Variants in SH3PXD2A observed in about 807,000 individuals in gnomAD.
SH3PXD2A encodes the protein SH3 and PX domain-containing protein 2A.
In SH3PXD2A, 32 loss-of-function variants were observed where a neutral mutation model predicts 115.2. The observed-to-expected ratio is 0.28, with a 90% CI of 0.21 to 0.37. The LOEUF is 0.37. Ranked by LOEUF, SH3PXD2A falls within the 10% of genes least tolerant of loss-of-function variation. The pLI, the probability that SH3PXD2A is intolerant of heterozygous loss-of-function variation, is 1.00. For missense variants in SH3PXD2A, 1,328 were observed against 1,498.7 expected (o/e 0.89, Z 1.88); for synonymous variants, 610 against 629.1 (o/e 0.97, Z 0.45).
At chr10:103,697,727 T>C (rs2037841658) in intron 5 of SH3PXD2A, among the ~76,000 whole-genome samples, 1 of 152,236 alleles carries the variant, frequency 6.6e-6, no homozygotes, top group Non-Finnish European at 1.5e-5. Context: ...TCTTTTTTCC[T>C]TTCATTTTAT....
chr10:103,725,342 T>C (rs774820889), intron 4 of SH3PXD2A, among the ~76,000 whole-genome samples: 70 of 151,136 alleles, frequency 4.6e-4, no homozygotes, highest in Non-Finnish European at 3.8e-4. Flanking sequence ...AACTGAAGAG[T>C]GTGGAAAGGT....
chr10:103,621,450 C>A (rs1440621085), intron 10 of SH3PXD2A, among the ~76,000 whole-genome samples: 6 of 152,224 alleles, frequency 3.9e-5, no homozygotes, highest in Non-Finnish European at 8.8e-5. Context: ...CAGCCATAGG[C>A]TGTAGCCACC....
At chr10:103,684,822 A>C (rs2037656641) in intron 6 of SH3PXD2A, among the ~76,000 whole-genome samples, 1 of 151,596 alleles carries the variant, frequency 6.6e-6, no homozygotes, top group African/African-American at 2.4e-5. Context: ...TGATCCTAGG[A>C]GTTCAAGACC....
chr10:103,705,911 C>T (rs542639599), intron 5 of SH3PXD2A, among the ~76,000 whole-genome samples: 1 of 151,678 alleles, frequency 6.6e-6, no homozygotes, highest in East Asian at 1.9e-4. Context: ...GCAGGAGAAT[C>T]GCTTGAACCT....
At chr10:103,845,440 C>A in intron 1 of SH3PXD2A, among the ~76,000 whole-genome samples, 1 of 151,988 alleles carries the variant, frequency 6.6e-6, no homozygotes, top group Non-Finnish European at 1.5e-5. Context: ...CGAGAGTGAC[C>A]TCTGGTCATC....
intron 1 of SH3PXD2A, among the ~76,000 whole-genome samples, chr10:103,823,364 G>A (rs2039399751): frequency 6.6e-6 from 1 of 152,174 alleles, no homozygotes; most frequent in African/African-American, 2.4e-5. Flanking sequence ...GGCCAGAGTT[G>A]ACCCTTAACA....
Position 103,596,239 on chromosome 10 carries a change from G to A in SH3PXD2A, c.*5577C>T, listed in dbSNP as rs940785867. On this transcript the variant is annotated 3_prime_UTR_variant, in exon 15 of 15. Transcript: ENST00000369774. ...CTCATACCCATGGCATGGCTGAGGG[G>A]TGGGAGTCAGCCTGCTCGATGACAC... 2 of 152,456 alleles carry A rather than the reference G, an allele frequency of 1.3e-5. No homozygotes were observed. The highest frequency in any genetic ancestry group is 1.9e-4 in the East Asian group (1 of 5,190). 9.4% of individuals were successfully genotyped at this position (152,456 alleles called of 1,614,324 possible).
intron 3 of SH3PXD2A, among the ~76,000 whole-genome samples, chr10:103,749,542 C>T (rs910208783): frequency 6.6e-6 from 1 of 152,168 alleles, no homozygotes; most frequent in Non-Finnish European, 1.5e-5. Flanking sequence ...CCAATTTCTA[C>T]AAATCCTAAC....
At chr10:103,682,207 G>GC (rs1362188399) in intron 6 of SH3PXD2A, among the ~76,000 whole-genome samples, 1 of 152,168 alleles carries the variant, frequency 6.6e-6, no homozygotes, top group African/African-American at 2.4e-5. Flanking sequence ...CCACGCCCCT[G>GC]CCCCCTCCCC....
At chr10:103,733,100 T>C (rs1381364330) in intron 4 of SH3PXD2A, among the ~76,000 whole-genome samples, 3 of 151,884 alleles carry the variant, frequency 2.0e-5, no homozygotes, top group Non-Finnish European at 4.4e-5. Context: ...GCCTGTGAGA[T>C]AGATGGCTGT....
chr10:103,767,148 G>T lies in SH3PXD2A; in HGVS notation c.175C>A (p.Pro59Thr). ...GGGTCCTTCTGGCCACCTTCAATGG[G>T]AAACTTATCCAAAAGCTGCATCTGA... is the stretch of plus-strand genomic sequence containing the variant. ...DLQMQLLDKF[P>T]IEGGQKDPKQ... Residue 59 changes from proline (P) to threonine (T), a missense_variant, in exon 3 of 15, where the codon CCC (proline) becomes ACC (threonine). This residue lies in a region of SH3PXD2A where 110 missense variants were observed against 160.0 expected (regional missense o/e 0.69). Coordinates refer to ENST00000369774, the MANE Select transcript of SH3PXD2A (RefSeq NM_001394015.1). The T allele has an allele frequency of 6.2e-7, 1 of 1,613,980 alleles. No homozygotes were observed. The highest frequency in any genetic ancestry group is 8.5e-7 in the Non-Finnish European group (1 of 1,179,872).
intron 5 of SH3PXD2A, among the ~76,000 whole-genome samples, chr10:103,697,898 C>G (rs2037843695): frequency 6.6e-6 from 1 of 152,092 alleles, no homozygotes; most frequent in Non-Finnish European, 1.5e-5. Context: ...CTGCCTTCCC[C>G]TTGAAAACTC....
intron 8 of SH3PXD2A, among the ~76,000 whole-genome samples, chr10:103,647,508 T>C (rs2037053156): frequency 6.6e-6 from 1 of 152,182 alleles, no homozygotes; most frequent in Non-Finnish European, 1.5e-5. Context: ...CTCCACTGAA[T>C]GTAGAGGCCC....
intron 5 of SH3PXD2A, among the ~76,000 whole-genome samples, chr10:103,718,819 C>G (rs1268454161): frequency 6.7e-6 from 1 of 149,172 alleles, no homozygotes; most frequent in Admixed American, 6.7e-5. Context: ...CCCTATTCAA[C>G]TGCTGACTTT....
intron 1 of SH3PXD2A, among the ~76,000 whole-genome samples, chr10:103,819,541 T>C (rs2039356666): frequency 6.6e-6 from 1 of 151,462 alleles, no homozygotes; most frequent in South Asian, 2.1e-4. Context: ...GTCCCAGCTC[T>C]GAGGCTCGAG....
At chr10:103,854,216 G>T (rs1842920245) in intron 1 of SH3PXD2A, among the ~76,000 whole-genome samples, 1 of 152,222 alleles carries the variant, frequency 6.6e-6, no homozygotes, top group African/African-American at 2.4e-5. Flanking sequence ...ACCAGCGCCT[G>T]TTTTAACTGT....
At chr10:103,826,710 C>T (rs2039433313) in intron 1 of SH3PXD2A, among the ~76,000 whole-genome samples, 1 of 152,220 alleles carries the variant, frequency 6.6e-6, no homozygotes, top group South Asian at 2.1e-4. Flanking sequence ...GTCATCTCAG[C>T]TACTCTGTAA....
At chr10:103,699,672 C>T (rs1021217963) in intron 5 of SH3PXD2A, among the ~76,000 whole-genome samples, 4 of 152,242 alleles carry the variant, frequency 2.6e-5, no homozygotes, top group East Asian at 3.9e-4. Flanking sequence ...AGCCTTTGCA[C>T]GGAATGGCCT....
chr10:103,604,607 C>T (rs148033264), intron 14 of SH3PXD2A, among the ~76,000 whole-genome samples: 4 of 152,142 alleles, frequency 2.6e-5, no homozygotes, highest in East Asian at 3.9e-4. Context: ...GAAGGGGTAG[C>T]GTGAAAACAC....
Sources: allele counts gnomAD v4.1 joint callset (sites outside exome capture counted in the v4.1 genomes callset), GRCh38; gene constraint gnomAD v4.1.1; regional missense constraint gnomAD v4.1.1; transcripts MANE v1.5; gene names NCBI Gene and HGNC (gene_info 2026-07-23, HGNC 2026-07-21).